ARHGAP10: variants seen among roughly 807,000 people sequenced by gnomAD.
The protein encoded by ARHGAP10 is rho GTPase-activating protein 10.
A neutral mutation model predicts 108.6 loss-of-function variants in ARHGAP10; 87 were observed. That is an observed-to-expected ratio of 0.80 (90% CI 0.67 to 0.96). The LOEUF (loss-of-function observed/expected upper bound fraction) is 0.96, where lower values mean the gene tolerates loss of function less well. ARHGAP10 is among the 40% of genes least tolerant of loss of function. The pLI is 0.00. For synonymous variants in ARHGAP10, 347 were observed against 341.1 expected, an observed-to-expected ratio of 1.02 and a Z score of -0.19; for missense variants, 939 against 954.5, an observed-to-expected ratio of 0.98 and a Z score of 0.21.
At chr4:147,849,120 T>G (rs551503342) in intron 4 of ARHGAP10, among the ~76,000 whole-genome samples, 1 of 152,316 alleles carries the variant, frequency 6.6e-6, no homozygotes, top group Non-Finnish European at 1.5e-5. Context: ...TTCCTGGTAG[T>G]TTTGTGTACC....
At position 147,955,203 on chromosome 4, in the gene ARHGAP10, G is replaced by C. The variant is rs1560843616; in HGVS notation, c.1392-113G>C. 3 of 1,010,234 alleles carry C rather than the reference G, an allele frequency of 3.0e-6. No homozygotes were observed. In the African/African-American group the frequency reaches 4.9e-5, roughly 16 times the overall value. 62.6% of individuals were successfully genotyped at this position (1,010,234 alleles called of 1,614,324 possible). A position where few individuals can be genotyped will look rare whatever the true frequency, so the allele number is the denominator to read the frequency against. Reference sequence around the variant, plus strand: ...ATATGTAAAGGTATTCCCTAGGGAAGTTTTACACATTAATTAAGAAATGCA... The same window carrying C: ...ATATGTAAAGGTATTCCCTAGGGAACTTTTACACATTAATTAAGAAATGCA... On this transcript the variant is annotated intron_variant, in intron 15 of 22. Transcript: ENST00000336498.
At chr4:147,963,773 C>A (rs1285425939) in intron 16 of ARHGAP10, among the ~76,000 whole-genome samples, 2 of 152,186 alleles carry the variant, frequency 1.3e-5, no homozygotes, top group South Asian at 4.1e-4. Context: ...TCCCTCCTTG[C>A]CACTCACAGC....
intron 18 of ARHGAP10, among the ~76,000 whole-genome samples, chr4:147,992,598 G>A (rs977960638): frequency 1.3e-5 from 2 of 152,156 alleles, no homozygotes; most frequent in South Asian, 2.1e-4. Flanking sequence ...TAGAGATGGG[G>A]TTTCACCATG....
chr4:148,034,739 G>T (rs1352916821), intron 19 of ARHGAP10, among the ~76,000 whole-genome samples: 1 of 152,156 alleles, frequency 6.6e-6, no homozygotes, highest in Non-Finnish European at 1.5e-5. Flanking sequence ...TGTACTGGAG[G>T]TTGTACTCTG....
intron 1 of ARHGAP10, 107 bp downstream of exon 1, chr4:147,732,562 G>A: frequency 2.7e-6 from 4 of 1,480,434 alleles, no homozygotes; most frequent in Non-Finnish European, 3.7e-6. Context: ...GCAGCCAGAG[G>A]AACGGGGAAT....
intron 3 of ARHGAP10, among the ~76,000 whole-genome samples, chr4:147,825,403 C>T (rs1732667479): frequency 6.6e-6 from 1 of 151,736 alleles, no homozygotes; most frequent in African/African-American, 2.4e-5. Flanking sequence ...GCTGAGATGG[C>T]GCCATTGCAC....
At chr4:147,918,996 TCTA>T (rs1737110765) in intron 13 of ARHGAP10, among the ~76,000 whole-genome samples, 1 of 152,234 alleles carries the variant, frequency 6.6e-6, no homozygotes, top group African/African-American at 2.4e-5. Context: ...TTTTTCCTCT[TCTA>T]CTAAATTCTC....
At chr4:147,852,309 G>A (rs1478458266) in intron 4 of ARHGAP10, among the ~76,000 whole-genome samples, 1 of 152,222 alleles carries the variant, frequency 6.6e-6, no homozygotes, top group Non-Finnish European at 1.5e-5. Context: ...GCCAGCGTTG[G>A]TGCTGCTGCA....
chr4:148,053,689 C>T (rs892415965), intron 20 of ARHGAP10, among the ~76,000 whole-genome samples: 1 of 152,146 alleles, frequency 6.6e-6, no homozygotes, highest in African/African-American at 2.4e-5. Context: ...GGGGGTACAA[C>T]TTTTGTCCTG....
At chr4:148,009,647 T>A (rs1741095951) in intron 18 of ARHGAP10, among the ~76,000 whole-genome samples, 1 of 152,206 alleles carries the variant, frequency 6.6e-6, no homozygotes, top group Non-Finnish European at 1.5e-5. Context: ...AGTGAACTTG[T>A]AGTAGTTTCT....
chr4:147,799,540 T>G (rs1440428473), intron 1 of ARHGAP10, among the ~76,000 whole-genome samples: 1 of 152,200 alleles, frequency 6.6e-6, no homozygotes, highest in South Asian at 2.1e-4. Flanking sequence ...TCTGATAGAG[T>G]GAATTCTGTT....
chr4:148,027,437 A>T, intron 19 of ARHGAP10, among the ~76,000 whole-genome samples: 1 of 152,248 alleles, frequency 6.6e-6, no homozygotes. Flanking sequence ...ACTGCAGCAC[A>T]TTTTGTTGAG....
At chr4:147,889,667 GTCT>G (rs68077800) in intron 10 of ARHGAP10, among the ~76,000 whole-genome samples, 107,100 of 151,768 alleles carry the variant, frequency 0.71, 43,964 homozygotes, top group Non-Finnish European at 0.92. Context: ...AACATACTTT[GTCT>G]TCTTTACAAG....
At chr4:147,946,783 A>G (rs1738399874) in intron 15 of ARHGAP10, 79 bp downstream of exon 15, 1 of 1,087,376 alleles carries the variant, frequency 9.2e-7, no homozygotes, top group Admixed American at 3.0e-5. Flanking sequence ...TTGTGTACAT[A>G]AATATCAATA....
intron 18 of ARHGAP10, among the ~76,000 whole-genome samples, chr4:147,980,314 A>T (rs1436465443): frequency 6.6e-6 from 1 of 151,758 alleles, no homozygotes; most frequent in East Asian, 1.9e-4. Flanking sequence ...TTTTGTTTTT[A>T]ATTCTGTTTA....
At chr4:147,931,019 A>G (rs1737656415) in intron 13 of ARHGAP10, among the ~76,000 whole-genome samples, 1 of 152,176 alleles carries the variant, frequency 6.6e-6, no homozygotes, top group Non-Finnish European at 1.5e-5. Flanking sequence ...TGGCTCTGGT[A>G]ACACCATTTG....
chr4:147,809,770 A>G (rs770017404), intron 1 of ARHGAP10, among the ~76,000 whole-genome samples: 1 of 152,126 alleles, frequency 6.6e-6, no homozygotes, highest in Non-Finnish European at 1.5e-5. Flanking sequence ...TTATCATTAG[A>G]TTCTCATAAG....
intron 9 of ARHGAP10, 71 bp downstream of exon 9, chr4:147,879,409 G>T: frequency 7.6e-7 from 1 of 1,319,132 alleles, no homozygotes; most frequent in Non-Finnish European, 1.0e-6. Flanking sequence ...TCATTTTAAT[G>T]GTTTATATTT....
chr4:147,998,737 A>G (rs747485740), intron 18 of ARHGAP10, among the ~76,000 whole-genome samples: 10 of 152,242 alleles, frequency 6.6e-5, no homozygotes, highest in African/African-American at 2.4e-4. Context: ...GCAGATTCCT[A>G]AAAGCATTTG....
Sources: allele counts gnomAD v4.1 joint callset (sites outside exome capture counted in the v4.1 genomes callset), GRCh38; gene constraint gnomAD v4.1.1; transcripts MANE v1.5; gene names NCBI Gene and HGNC (gene_info 2026-07-23, HGNC 2026-07-21).